The following DNAJC3 variants were observed in gnomAD, a reference collection of about 807,000 sequenced individuals.
DNAJC3 encodes the protein DnaJ heat shock protein family (Hsp40) member C3.
DNAJC3 carries 38 observed loss-of-function variants against 68.6 expected under a neutral mutation model. That is an observed-to-expected ratio of 0.55 (90% CI 0.43 to 0.73). The LOEUF is 0.73. DNAJC3 is among the 30% of genes least tolerant of loss of function. The pLI is 0.00. For missense variants in DNAJC3, 526 were observed against 591.9 expected, an observed-to-expected ratio of 0.89 and a Z score of 1.16; for synonymous variants, 203 against 204.0, an observed-to-expected ratio of 1.00 and a Z score of 0.04.
chr13:95,771,676 G>T (rs1883162973), intron 9 of DNAJC3, among the ~76,000 whole-genome samples: 1 of 152,100 alleles, frequency 6.6e-6, no homozygotes, highest in Non-Finnish European at 1.5e-5. Flanking sequence ...TCAGAAAGAA[G>T]ACTCAGAGGA....
chr13:95,758,542 G>A (rs1447235919), intron 5 of DNAJC3, among the ~76,000 whole-genome samples: 7 of 151,590 alleles, frequency 4.6e-5, no homozygotes, highest in African/African-American at 1.2e-4. Flanking sequence ...GGAGGCTGAG[G>A]CGCTCGAACC....
At chr13:95,729,286 CTCTCCT>C (rs1350867520) in intron 4 of DNAJC3, among the ~76,000 whole-genome samples, 8 of 115,578 alleles carry the variant, frequency 6.9e-5, no homozygotes, top group Non-Finnish European at 1.3e-4. Flanking sequence ...CTCCCCCTCC[CTCTCCT>C]TCTCCCTCTC....
chr13:95,781,738 T>C (rs1190978008), intron 9 of DNAJC3, among the ~76,000 whole-genome samples: 3 of 152,080 alleles, frequency 2.0e-5, no homozygotes, highest in Non-Finnish European at 4.4e-5. Flanking sequence ...CTAGGGCTGA[T>C]ATATGTCTGG....
chr13:95,711,885 C>T (rs1431786115), intron 2 of DNAJC3, among the ~76,000 whole-genome samples: 3 of 152,160 alleles, frequency 2.0e-5, no homozygotes, highest in African/African-American at 4.8e-5. Flanking sequence ...ACACATTCTT[C>T]CAAGTGTAAG....
intron 2 of DNAJC3, among the ~76,000 whole-genome samples, chr13:95,721,839 G>A (rs1292300643): frequency 6.6e-6 from 1 of 151,774 alleles, no homozygotes; most frequent in Non-Finnish European, 1.5e-5. Context: ...CCTTCCCCTG[G>A]CATTTTCAAT....
chr13:95,775,512 C>A (rs1328542961), intron 9 of DNAJC3, among the ~76,000 whole-genome samples: 1 of 152,130 alleles, frequency 6.6e-6, no homozygotes, highest in African/African-American at 2.4e-5. Context: ...TTCTTTCTTA[C>A]CCTGTCACCT....
intron 9 of DNAJC3, among the ~76,000 whole-genome samples, chr13:95,764,379 A>G (rs536262118): frequency 3.8e-5 from 5 of 133,144 alleles, no homozygotes. Flanking sequence ...CTCTCTCTAT[A>G]TATATATATA....
chr13:95,779,207 C>A (rs1237962280), intron 9 of DNAJC3, among the ~76,000 whole-genome samples: 3 of 147,956 alleles, frequency 2.0e-5, no homozygotes, highest in Non-Finnish European at 4.4e-5. Context: ...TCAATGCAAG[C>A]TCCGCCTCCC....
In DNAJC3 at chr13:95,757,693, T is replaced by A; in HGVS notation, c.443T>A (p.Leu148His). The A allele has an allele frequency of 6.3e-7, 1 of 1,585,358 alleles. No individual in the cohort carries two copies. The highest frequency in any genetic ancestry group is 1.3e-5 in the African/African-American group (1 of 74,730). ...GAAGAAAAGGAAGCACAGTCTCAAC[T>A]TATAAAATCTGATGAAATGCAGCGT... ...ENEEKEAQSQ[L>H]IKSDEMQRLR... The change falls in exon 5 of 12, where the codon CTT becomes CAT. Residue 148 changes from leucine (L) to histidine (H), a missense_variant. Physicochemically the swap from Leu to His is moderately conservative, Grantham distance 99 (BLOSUM62 -3). Transcript: ENST00000602402.
rs575812971 is a variant in DNAJC3 at position 95,699,994 on chromosome 13, T to A, written c.83-9233T>A. On this transcript the variant is annotated intron_variant, in intron 1 of 11. Transcript: ENST00000602402. ...CACCACACCAGGCTCATTTTTAAAA[T>A]TTTTTGTAGAGATGGTGTTTTTCTT... Among the ~76,000 whole-genome samples, 7 of 152,218 alleles carry A rather than the reference T, an allele frequency of 4.6e-5. No individual in the cohort carries two copies. In the East Asian group the frequency reaches 1.4e-3, roughly 29 times the overall value.
At chr13:95,742,812 T>C (rs1301828046) in intron 4 of DNAJC3, 1 of 519,054 alleles carries the variant, frequency 1.9e-6, no homozygotes, top group East Asian at 5.4e-5. Context: ...TCCTTTTTAC[T>C]TCTGTGGACT....
intron 11 of DNAJC3, among the ~76,000 whole-genome samples, chr13:95,787,896 GCT>G (rs59533371): frequency 0.015 from 2,273 of 152,208 alleles, 62 homozygotes; most frequent in African/African-American, 0.052. Context: ...ACAATGCTTT[GCT>G]GCTGCCAGAG....
intron 11 of DNAJC3, among the ~76,000 whole-genome samples, chr13:95,787,981 TAAAC>T (rs1269559763): frequency 1.3e-5 from 2 of 151,710 alleles, no homozygotes; most frequent in South Asian, 2.1e-4. Context: ...TGATCTGAGC[TAAAC>T]AAACAAAAGA....
chr13:95,750,546 G>A (rs1882445090), intron 4 of DNAJC3, among the ~76,000 whole-genome samples: 1 of 150,106 alleles, frequency 6.7e-6, no homozygotes, highest in African/African-American at 2.5e-5. Context: ...GTTTTGGTCT[G>A]TTGCCCAGGC....
intron 9 of DNAJC3, among the ~76,000 whole-genome samples, chr13:95,764,762 T>C (rs995667576): frequency 8.1e-6 from 1 of 124,092 alleles, no homozygotes; most frequent in Non-Finnish European, 1.7e-5. Context: ...TATATATACA[T>C]ATATATATAT....
chr13:95,690,494 T>C (rs1176293156), intron 1 of DNAJC3, among the ~76,000 whole-genome samples: 1 of 151,274 alleles, frequency 6.6e-6, no homozygotes, highest in East Asian at 2.0e-4. Flanking sequence ...CTCAATGAGC[T>C]GTTGGGTACA....
chr13:95,781,566 G>T (rs1883455411), intron 9 of DNAJC3, among the ~76,000 whole-genome samples: 1 of 152,140 alleles, frequency 6.6e-6, no homozygotes, highest in Non-Finnish European at 1.5e-5. Flanking sequence ...GGCAAGGAGG[G>T]TAGGCAAACG....
chr13:95,700,057 T>C (rs561011618), intron 1 of DNAJC3, among the ~76,000 whole-genome samples: 1 of 152,228 alleles, frequency 6.6e-6, no homozygotes, highest in Non-Finnish European at 1.5e-5. Flanking sequence ...TGAAGTGATC[T>C]TCCTGTGTTG....
intron 2 of DNAJC3, among the ~76,000 whole-genome samples, chr13:95,720,052 A>C (rs1425619664): frequency 1.3e-5 from 2 of 152,136 alleles, no homozygotes; most frequent in Admixed American, 6.5e-5. Flanking sequence ...TTGAATCTAC[A>C]GATGTGGAAC....
Sources: allele counts gnomAD v4.1 joint callset (sites outside exome capture counted in the v4.1 genomes callset), GRCh38; gene constraint gnomAD v4.1.1; transcripts MANE v1.5; gene names NCBI Gene and HGNC (gene_info 2026-07-23, HGNC 2026-07-21).